Variants in KCNK2 observed in about 807,000 individuals in gnomAD.
The protein encoded by KCNK2 is potassium channel subfamily K member 2.
In KCNK2, 21 loss-of-function variants were observed where a neutral mutation model predicts 40.5. The observed-to-expected ratio is 0.52, with a 90% CI of 0.37 to 0.75. The LOEUF (loss-of-function observed/expected upper bound fraction) is 0.75, where lower values mean the gene tolerates loss of function less well. KCNK2 is among the 30% of genes least tolerant of loss of function. The pLI is 0.00. For synonymous variants in KCNK2, 191 were observed against 202.2 expected, an observed-to-expected ratio of 0.94 and a Z score of 0.47; for missense variants, 399 against 531.6, an observed-to-expected ratio of 0.75 and a Z score of 2.45.
chr1:215,013,211 G>A (rs184308402), intron 1 of KCNK2, among the ~76,000 whole-genome samples: 390 of 152,198 alleles, frequency 2.6e-3, no homozygotes, highest in Non-Finnish European at 4.1e-3. Context: ...ATGAATGTCC[G>A]ATTGTATTAA....
chr1:215,232,373 A>C (rs1243292364), intron 6 of KCNK2, among the ~76,000 whole-genome samples: 3 of 152,044 alleles, frequency 2.0e-5, no homozygotes, highest in Non-Finnish European at 2.9e-5. Flanking sequence ...TTTTTTGCAA[A>C]ATGTTGATGA....
chr1:215,135,020 T>C (rs1390556385), intron 3 of KCNK2, among the ~76,000 whole-genome samples: 1 of 152,118 alleles, frequency 6.6e-6, no homozygotes, highest in Non-Finnish European at 1.5e-5. Context: ...GTGGTACCTG[T>C]AGACAACTTT....
At chr1:215,170,274 C>A (rs993624749) in intron 4 of KCNK2, among the ~76,000 whole-genome samples, 1 of 151,868 alleles carries the variant, frequency 6.6e-6, no homozygotes, top group African/African-American at 2.4e-5. Flanking sequence ...TTTAGTAGAA[C>A]CAAAGGTGTA....
intron 6 of KCNK2, among the ~76,000 whole-genome samples, chr1:215,206,047 A>G (rs1665302867): frequency 6.6e-6 from 1 of 152,214 alleles, no homozygotes; most frequent in Middle Eastern, 3.2e-3. Flanking sequence ...TTCAAGTAAA[A>G]TAGAGCAACC....
At chr1:215,143,799 GA>G (rs1278460101) in intron 3 of KCNK2, among the ~76,000 whole-genome samples, 4 of 152,114 alleles carry the variant, frequency 2.6e-5, no homozygotes, top group African/African-American at 9.7e-5. Context: ...TAAGTGAACT[GA>G]TGATATATGT....
At chr1:215,115,229 A>T (rs771805048) in intron 2 of KCNK2, among the ~76,000 whole-genome samples, 1 of 152,114 alleles carries the variant, frequency 6.6e-6, no homozygotes, top group Non-Finnish European at 1.5e-5. Context: ...TATAGGTACA[A>T]AACACTTTCT....
chr1:215,207,024 A>G (rs995078281), intron 6 of KCNK2, among the ~76,000 whole-genome samples: 1 of 152,098 alleles, frequency 6.6e-6, no homozygotes, highest in Non-Finnish European at 1.5e-5. Context: ...AGACAAATTC[A>G]TTCTATTGGA....
intron 2 of KCNK2, among the ~76,000 whole-genome samples, chr1:215,112,370 G>C (rs1660734356): frequency 6.6e-6 from 1 of 151,360 alleles, no homozygotes; most frequent in Admixed American, 6.6e-5. Flanking sequence ...TTAAAAAAAA[G>C]ATTATGGAAT....
chr1:215,037,335 A>C (rs1309564010), intron 1 of KCNK2, among the ~76,000 whole-genome samples: 1 of 151,940 alleles, frequency 6.6e-6, no homozygotes, highest in Non-Finnish European at 1.5e-5. Flanking sequence ...TTATACTGAT[A>C]GATTTTCAAA....
At chr1:215,118,960 C>G (rs1661063232) in intron 2 of KCNK2, among the ~76,000 whole-genome samples, 1 of 152,068 alleles carries the variant, frequency 6.6e-6, no homozygotes, top group Non-Finnish European at 1.5e-5. Flanking sequence ...TCAAAACATT[C>G]TGTACTGTTT....
intron 1 of KCNK2, among the ~76,000 whole-genome samples, chr1:215,070,199 A>G (rs1409437555): frequency 1.3e-5 from 2 of 151,914 alleles, no homozygotes; most frequent in Non-Finnish European, 2.9e-5. Flanking sequence ...TCACAAGGTC[A>G]GCAGATCGTA....
At chr1:215,015,909 T>C (rs554081182) in intron 1 of KCNK2, among the ~76,000 whole-genome samples, 3 of 152,282 alleles carry the variant, frequency 2.0e-5, no homozygotes, top group Admixed American at 1.3e-4. Flanking sequence ...TCTGTCTCAA[T>C]TGGAAACCTC....
At chr1:215,209,995 A>T (rs372097995) in intron 6 of KCNK2, among the ~76,000 whole-genome samples, 94 of 3,338 alleles carry the variant, frequency 0.028, 2 homozygotes, top group Non-Finnish European at 0.095. Context: ...TATAATATAT[A>T]ATATATATTA....
intron 5 of KCNK2, among the ~76,000 whole-genome samples, chr1:215,184,044 G>A (rs12121939): frequency 0.056 from 8,501 of 152,198 alleles, 260 homozygotes; most frequent in Middle Eastern, 0.14. Flanking sequence ...ATGTACAGAG[G>A]ACATCTACAG....
chr1:215,166,314 C>T (rs1294046239), intron 3 of KCNK2, among the ~76,000 whole-genome samples: 1 of 151,974 alleles, frequency 6.6e-6, no homozygotes, highest in Non-Finnish European at 1.5e-5. Context: ...GAGCCCACAT[C>T]CCCCATAGAA....
intron 2 of KCNK2, among the ~76,000 whole-genome samples, chr1:215,112,315 G>GT (rs201439627): frequency 0.018 from 2,603 of 142,876 alleles, 42 homozygotes; most frequent in South Asian, 0.069. Context: ...TTGTGTCTTA[G>GT]TTTTTTTTTT....
intron 3 of KCNK2, among the ~76,000 whole-genome samples, chr1:215,134,167 C>G (rs1381978390): frequency 6.6e-6 from 1 of 152,062 alleles, no homozygotes; most frequent in African/African-American, 2.4e-5. Context: ...TTTCTGACAC[C>G]AGATGTGTGG....
Position 215,088,047 on chromosome 1 carries a change from CT to C in KCNK2, c.357+1374del, listed in dbSNP as rs1659523714. Among the ~76,000 whole-genome samples the C allele has an allele frequency of 2.6e-5, 4 of 152,070 alleles. No homozygotes were observed. The South Asian group carries it at 8.3e-4, about 32-fold the overall frequency. On this transcript the variant is annotated intron_variant, in intron 2 of 6. Transcript: ENST00000444842. ...TCTATGATTTTTAGATGATGGTGAC[CT>C]TTTTAGTATTGGCAGTGAAAGTGTC...
intron 5 of KCNK2, among the ~76,000 whole-genome samples, chr1:215,191,759 G>A (rs984853365): frequency 6.6e-6 from 1 of 152,166 alleles, no homozygotes; most frequent in African/African-American, 2.4e-5. Flanking sequence ...CTCTTAAAAT[G>A]GAAAGGATTT....
Sources: gnomAD v4.1 joint callset for allele counts (sites outside exome capture counted in the v4.1 genomes callset) on GRCh38, gnomAD v4.1.1 for gene constraint, MANE v1.5 for transcripts, NCBI Gene and HGNC (gene_info 2026-07-23, HGNC 2026-07-21) for gene names.